The following SCN11A variants were observed in gnomAD, a reference collection of about 807,000 sequenced individuals.
SCN11A encodes sodium voltage-gated channel alpha subunit 11.
In SCN11A, 122 loss-of-function variants were observed where a neutral mutation model predicts 162.2. The ratio of observed to expected loss-of-function variants is 0.75; its 90% CI spans 0.65 to 0.87. The LOEUF (loss-of-function observed/expected upper bound fraction) is 0.87, where lower values mean the gene tolerates loss of function less well. SCN11A is among the 40% of genes least tolerant of loss of function. The probability of loss-of-function intolerance (pLI) is 0.00; values close to 1 mark genes in which losing one functional copy is unlikely to be tolerated. For missense variants in SCN11A, 2,015 were observed against 2,181.6 expected, an observed-to-expected ratio of 0.92 and a Z score of 1.52; for synonymous variants, 758 against 751.5, an observed-to-expected ratio of 1.01 and a Z score of -0.14.
chr3:39,005,076 C>T (rs2030933733), intron 2 of SCN11A, among the ~76,000 whole-genome samples: 1 of 152,200 alleles, frequency 6.6e-6, no homozygotes, highest in Non-Finnish European at 1.5e-5. Flanking sequence ...GGGCTGCATG[C>T]ACTGGTGGTC....
chr3:38,882,835 T>C (rs2126106163), intron 22 of SCN11A, among the ~76,000 whole-genome samples: 1 of 152,278 alleles, frequency 6.6e-6, no homozygotes, highest in South Asian at 2.1e-4. Flanking sequence ...CTCCCTCCCA[T>C]AATATTTTAC....
At chr3:38,953,836 G>A (rs560978763) in intron 3 of SCN11A, among the ~76,000 whole-genome samples, 77 bp from the exon 4 acceptor site, 89 of 152,294 alleles carry the variant, frequency 5.8e-4, no homozygotes, top group Non-Finnish European at 9.6e-4. Context: ...TGAAAACAGC[G>A]TGAAAGCAAA....
At chr3:38,944,490 C>T (rs2066486200) in intron 7 of SCN11A, among the ~76,000 whole-genome samples, 1 of 151,790 alleles carries the variant, frequency 6.6e-6, no homozygotes, top group South Asian at 2.1e-4. Context: ...CCACGCCTGG[C>T]TAATTTTTTG....
chr3:38,901,782 T>C (rs534908697), intron 16 of SCN11A, among the ~76,000 whole-genome samples: 2 of 152,178 alleles, frequency 1.3e-5, no homozygotes, highest in Non-Finnish European at 2.9e-5. Flanking sequence ...AGTAGGCCCA[T>C]GGAATGGAAA....
intron 7 of SCN11A, among the ~76,000 whole-genome samples, chr3:38,934,456 C>T (rs2066296026): frequency 6.6e-6 from 1 of 152,186 alleles, no homozygotes; most frequent in South Asian, 2.1e-4. Context: ...CAAGACCCAT[C>T]AGTGTGCTGT....
chr3:39,013,248 A>C (rs1248360177), intron 2 of SCN11A, among the ~76,000 whole-genome samples: 2 of 152,234 alleles, frequency 1.3e-5, no homozygotes, highest in Non-Finnish European at 2.9e-5. Context: ...AGTGTCTTCC[A>C]ATCCTTTTTC....
At chr3:38,872,099 G>T in intron 24 of SCN11A, 94 bp downstream of exon 24, 2 of 799,406 alleles carry the variant, frequency 2.5e-6, no homozygotes, top group Non-Finnish European at 4.3e-6. Flanking sequence ...GGAAAAGCTT[G>T]GCAATTTAAG....
At position 38,990,177 on chromosome 3, in the gene SCN11A, C is replaced by T. The variant is rs146198516; in HGVS notation, c.-279-29754G>A. On this transcript the variant is annotated intron_variant, in intron 2 of 29. Coordinates refer to ENST00000302328, the MANE Select transcript of SCN11A (RefSeq NM_001349253.2). The stretch of plus-strand genomic sequence containing the variant: ...CAGTTGGCTCTAAATTTTGGCAGAG[C>T]GACTTCTGGGGAATATAAAGAGCAG... Among the ~76,000 whole-genome samples the T allele has an allele frequency of 4.1e-4, 63 of 152,248 alleles. 1 individual carries two copies. The East Asian group carries it at 0.011, about 26-fold the overall frequency.
At chr3:38,881,497 G>A (rs1373202539) in intron 22 of SCN11A, among the ~76,000 whole-genome samples, 1 of 152,134 alleles carries the variant, frequency 6.6e-6, no homozygotes, top group Non-Finnish European at 1.5e-5. Context: ...ACCTGCAATT[G>A]AGCTTCAGAG....
At chr3:38,924,801 A>T (rs1275533822) in intron 9 of SCN11A, among the ~76,000 whole-genome samples, 1 of 151,784 alleles carries the variant, frequency 6.6e-6, no homozygotes, top group African/African-American at 2.4e-5. Flanking sequence ...GAGCAACTGT[A>T]CCCGGCCCCC....
chr3:38,980,025 G>A (rs559978815), intron 2 of SCN11A, among the ~76,000 whole-genome samples: 1 of 152,224 alleles, frequency 6.6e-6, no homozygotes, highest in East Asian at 1.9e-4. Flanking sequence ...CTCACGTATG[G>A]CCCACATCAC....
chr3:39,042,523 A>C (rs2032072528), intron 1 of SCN11A, among the ~76,000 whole-genome samples: 1 of 152,182 alleles, frequency 6.6e-6, no homozygotes, highest in Non-Finnish European at 1.5e-5. Flanking sequence ...GCAAAGGAAA[A>C]AATCATCAAG....
chr3:38,880,411 T>G (rs1383733402), intron 22 of SCN11A, among the ~76,000 whole-genome samples: 1 of 152,178 alleles, frequency 6.6e-6, no homozygotes, highest in Admixed American at 6.5e-5. Context: ...GATCAGCACA[T>G]TATTTCCTGG....
At chr3:39,026,723 G>A (rs2031598386) in intron 2 of SCN11A, among the ~76,000 whole-genome samples, 1 of 152,174 alleles carries the variant, frequency 6.6e-6, no homozygotes, top group Non-Finnish European at 1.5e-5. Flanking sequence ...AGCAATAAGA[G>A]GGATTCTAAA....
At chr3:38,872,537 A>G (rs1033486786) in intron 23 of SCN11A, among the ~76,000 whole-genome samples, 3 of 152,176 alleles carry the variant, frequency 2.0e-5, no homozygotes, top group African/African-American at 7.2e-5. Context: ...TGGGGGTAGG[A>G]GGTGGATGCA....
Position 38,886,203 on chromosome 3 carries a change from CG to C in SCN11A, c.2870del (p.Thr957ArgfsTer20). On this transcript the variant is annotated frameshift_variant, in exon 20 of 30. Coordinates refer to ENST00000302328, the MANE Select transcript of SCN11A (RefSeq NM_001349253.2). LOFTEE classifies it high-confidence loss of function. ...TTTCCACACTTTGAACTCTCTGGCTCGTGGGCTTCTTGTTCTCCTGATGGAG... is the reference window on the plus strand; with the variant it reads ...TTTCCACACTTTGAACTCTCTGGCTCTGGGCTTCTTGTTCTCCTGATGGAG... Reference protein sequence around the residue: ...YELHQENKKPTSQRVQSVEID... With the variant: ...YELHQENKKPXSQRVQSVEID... 1.2e-6 allele frequency: 2 copies of C among 1,612,934 alleles called. No homozygotes were observed. Among genetic ancestry groups the C allele is most frequent in the Non-Finnish European group, 1.7e-6 (2 of 1,179,842 alleles).
intron 2 of SCN11A, among the ~76,000 whole-genome samples, chr3:38,994,951 G>A (rs1455123873): frequency 2.6e-5 from 4 of 152,044 alleles, no homozygotes; most frequent in Non-Finnish European, 5.9e-5. Flanking sequence ...AAACACCCCT[G>A]CCTCTCATTC....
chr3:39,000,383 T>G (rs537883082), intron 2 of SCN11A, among the ~76,000 whole-genome samples: 1 of 152,320 alleles, frequency 6.6e-6, no homozygotes, highest in South Asian at 2.1e-4. Flanking sequence ...GAATAAGGCT[T>G]GTTCTTTCAT....
chr3:38,927,406 T>C (rs1207724991), intron 7 of SCN11A, among the ~76,000 whole-genome samples: 1 of 152,152 alleles, frequency 6.6e-6, no homozygotes, highest in African/African-American at 2.4e-5. Flanking sequence ...ACAGATTCAG[T>C]GCAATCCTTA....
Sources: allele counts gnomAD v4.1 joint callset (sites outside exome capture counted in the v4.1 genomes callset), GRCh38; gene constraint gnomAD v4.1.1; transcripts MANE v1.5; gene names NCBI Gene and HGNC (gene_info 2026-07-23, HGNC 2026-07-21).